Variants in CDH4 observed in about 807,000 individuals in gnomAD.
CDH4 encodes cadherin 4.
Under a neutral mutation model 86.0 loss-of-function variants are expected in CDH4, and 33 were observed. The ratio of observed to expected loss-of-function variants is 0.38; its 90% CI spans 0.29 to 0.51. The LOEUF (loss-of-function observed/expected upper bound fraction) is 0.51, where lower values mean the gene tolerates loss of function less well. CDH4 is among the 20% of genes least tolerant of loss of function. CDH4 has a pLI of 0.86. For missense variants in CDH4, 1,114 were observed against 1,307.4 expected, an observed-to-expected ratio of 0.85 and a Z score of 2.28; for synonymous variants, 555 against 549.4, an observed-to-expected ratio of 1.01 and a Z score of -0.14.
chr20:61,890,542 A>AATGG (rs1281814554), intron 7 of CDH4, among the ~76,000 whole-genome samples: 3 of 150,428 alleles, frequency 2.0e-5, no homozygotes, highest in Non-Finnish European at 4.4e-5. Flanking sequence ...ATGGATTATG[A>AATGG]ATGGATGGAT....
intron 2 of CDH4, among the ~76,000 whole-genome samples, chr20:61,727,801 A>C (rs2088133367): frequency 6.6e-6 from 1 of 152,140 alleles, no homozygotes; most frequent in African/African-American, 2.4e-5. Context: ...AATTCATGAG[A>C]CATCTGTCCC....
chr20:61,798,713 C>A (rs1427350140), intron 4 of CDH4, among the ~76,000 whole-genome samples: 1 of 152,232 alleles, frequency 6.6e-6, no homozygotes, highest in Admixed American at 6.5e-5. Flanking sequence ...GGACAGCCTG[C>A]TTCTTCCTCC....
chr20:61,268,825 C>T (rs1365707348), intron 2 of CDH4, among the ~76,000 whole-genome samples: 1 of 152,174 alleles, frequency 6.6e-6, no homozygotes, highest in Non-Finnish European at 1.5e-5. Flanking sequence ...CCTGTACAGC[C>T]TGCAGAACCA....
At chr20:61,476,587 G>A (rs2145574386) in intron 2 of CDH4, among the ~76,000 whole-genome samples, 1 of 152,350 alleles carries the variant, frequency 6.6e-6, no homozygotes, top group South Asian at 2.1e-4. Flanking sequence ...GACACAGGTG[G>A]AGAGTGGGAG....
chr20:61,655,422 G>A (rs552300174), intron 2 of CDH4, among the ~76,000 whole-genome samples: 4 of 152,310 alleles, frequency 2.6e-5, no homozygotes, highest in South Asian at 2.1e-4. Flanking sequence ...TCAGCCTTGC[G>A]GAGAGTGACA....
At chr20:61,460,631 A>G (rs2085436967) in intron 2 of CDH4, among the ~76,000 whole-genome samples, 1 of 152,148 alleles carries the variant, frequency 6.6e-6, no homozygotes, top group Non-Finnish European at 1.5e-5. Context: ...GGCGTCCCTA[A>G]GTGGTGAGGT....
intron 2 of CDH4, among the ~76,000 whole-genome samples, chr20:61,569,853 G>C (rs1191427200): frequency 6.6e-6 from 1 of 152,162 alleles, no homozygotes; most frequent in East Asian, 1.9e-4. Context: ...TTTCTAGAAT[G>C]CCTGCAGTTT....
chr20:61,752,412 G>C (rs1030055679), intron 3 of CDH4, among the ~76,000 whole-genome samples: 10 of 151,434 alleles, frequency 6.6e-5, no homozygotes, highest in Non-Finnish European at 1.3e-4. Flanking sequence ...GTCTGGGAAA[G>C]GACATTTGCA....
intron 2 of CDH4, among the ~76,000 whole-genome samples, chr20:61,459,789 C>T (rs1212780193): frequency 2.6e-5 from 4 of 151,974 alleles, no homozygotes; most frequent in Non-Finnish European, 5.9e-5. Context: ...ATGATTCCCC[C>T]AGGCTCACAT....
chr20:61,316,749 G>A (rs961277594), intron 2 of CDH4, among the ~76,000 whole-genome samples: 1 of 152,202 alleles, frequency 6.6e-6, no homozygotes, highest in African/African-American at 2.4e-5. Flanking sequence ...CGTTAGAGCC[G>A]CCGCCTCTGC....
chr20:61,420,284 G>T (rs1469413189), intron 2 of CDH4, among the ~76,000 whole-genome samples: 1 of 152,242 alleles, frequency 6.6e-6, no homozygotes, highest in Non-Finnish European at 1.5e-5. Context: ...CCGGGGCCTG[G>T]AAAGGGCTGA....
chr20:61,564,576 G>A (rs1366962723), intron 2 of CDH4, among the ~76,000 whole-genome samples: 1 of 152,158 alleles, frequency 6.6e-6, no homozygotes, highest in Non-Finnish European at 1.5e-5. Context: ...CATGATTGAA[G>A]CTTCCTGAGG....
chr20:61,868,698 C>A (rs2146140844), intron 6 of CDH4, among the ~76,000 whole-genome samples: 1 of 152,208 alleles, frequency 6.6e-6, no homozygotes, highest in South Asian at 2.1e-4. Context: ...TGTCCCTCCA[C>A]TCTGGGCAGG....
At chr20:61,800,598 T>TTATGAA (rs1979778410) in intron 4 of CDH4, among the ~76,000 whole-genome samples, 1 of 152,238 alleles carries the variant, frequency 6.6e-6, no homozygotes, top group Admixed American at 6.5e-5. Flanking sequence ...GGCTGCAGTG[T>TTATGAA]GAGCCCTTCA....
chr20:61,382,966 G>T (rs978392357), intron 2 of CDH4, among the ~76,000 whole-genome samples: 1 of 150,042 alleles, frequency 6.7e-6, no homozygotes, highest in Non-Finnish European at 1.5e-5. Context: ...CAAGTCAATC[G>T]GTACACAGAC....
intron 2 of CDH4, among the ~76,000 whole-genome samples, chr20:61,650,571 A>G (rs1027387123): frequency 2.6e-5 from 4 of 152,158 alleles, no homozygotes; most frequent in African/African-American, 9.7e-5. Flanking sequence ...CTAAGCATCT[A>G]CTGTATATCA....
chr20:61,830,562 G>A (rs34878697), intron 4 of CDH4, among the ~76,000 whole-genome samples: 66,717 of 152,024 alleles, frequency 0.44, 16,731 homozygotes, highest in Non-Finnish European at 0.58. Flanking sequence ...AACCCCAGGA[G>A]ATCTGCAGCG....
chr20:61,348,338 C>T (rs904798998), intron 2 of CDH4, among the ~76,000 whole-genome samples: 3 of 152,156 alleles, frequency 2.0e-5, no homozygotes, highest in African/African-American at 7.2e-5. Flanking sequence ...ACGAGAACAG[C>T]ACGGGAAAGA....
rs1289410438 is a variant in CDH4 at position 61,777,667 on chromosome 20, GAC to G, written c.576+4492_576+4493del. Among the ~76,000 whole-genome samples, 27 of 100,486 alleles carry G rather than the reference GAC, an allele frequency of 2.7e-4. 1 individual carries two copies. The highest frequency in any genetic ancestry group is 1.6e-3 in the Admixed American group (16 of 9,934). The allele number at this position is 100,486 out of a possible 152,430, so 65.9% of individuals were successfully genotyped here. On this transcript the variant is annotated intron_variant, in intron 4 of 15. Coordinates refer to ENST00000614565, the MANE Select transcript of CDH4 (RefSeq NM_001794.5). ...ACACACGCACACACGTGCATACAAA[GAC>G]ACACACCCATACGCGCACACACGTG...
Sources: gnomAD v4.1 joint callset for allele counts (sites outside exome capture counted in the v4.1 genomes callset) on GRCh38, gnomAD v4.1.1 for gene constraint, MANE v1.5 for transcripts, NCBI Gene and HGNC (gene_info 2026-07-23, HGNC 2026-07-21) for gene names.